The following ASTN2 variants were observed in gnomAD, a reference collection of about 807,000 sequenced individuals.
ASTN2 encodes astrotactin 2, also known as astrotactin-2.
ASTN2 carries 54 observed loss-of-function variants against 139.8 expected under a neutral mutation model. The ratio of observed to expected loss-of-function variants is 0.39; its 90% CI spans 0.31 to 0.48. ASTN2 has a LOEUF of 0.48. Among genes scored for constraint, ASTN2 ranks in the 20% least tolerant of loss-of-function variants. The pLI is 0.95. For synonymous variants in ASTN2, 756 were observed against 719.5 expected (o/e 1.05, Z -0.81); for missense variants, 1,565 against 1,725.1 (o/e 0.91, Z 1.64).
At chr9:116,993,354 G>A (rs1836912991) in intron 7 of ASTN2, among the ~76,000 whole-genome samples, 2 of 151,922 alleles carry the variant, frequency 1.3e-5, no homozygotes, top group African/African-American at 4.8e-5. Context: ...ATATCCACAA[G>A]GCATGCTTTG....
At chr9:116,923,798 G>T (rs1400576494) in intron 10 of ASTN2, among the ~76,000 whole-genome samples, 6 of 152,174 alleles carry the variant, frequency 3.9e-5, no homozygotes, top group Admixed American at 6.5e-5. Context: ...CCCATGCAAG[G>T]GTTCTCTCTG....
rs55954354 is a variant in ASTN2, at chr9:116,815,804, C to CAAAAAA, written c.2207+4807_2207+4812dup. ...TGGGCAACAGAGCGAGACTCCGTCTCAAAAAAAAAAAAAAAAAAAAAAAAG... is the reference window on the plus strand; with the variant it reads ...TGGGCAACAGAGCGAGACTCCGTCTCAAAAAAAAAAAAAAAAAAAAAAAAAAAAAAG... On this transcript the variant is annotated intron_variant, in intron 12 of 22. Coordinates refer to ENST00000313400, the MANE Select transcript of ASTN2 (RefSeq NM_001365068.1). 5.4e-3 allele frequency among the ~76,000 whole-genome samples: 131 copies of CAAAAAA among 24,074 alleles called. 27 individuals carry two copies. The highest frequency in any genetic ancestry group is 0.02 in the African/African-American group (111 of 5,474). 15.8% of individuals were successfully genotyped at this position (24,074 alleles called of 152,430 possible). A position where few individuals can be genotyped will look rare whatever the true frequency, so the allele number is the denominator to read the frequency against.
chr9:116,861,214 TACACACACACACACACACAC>T lies in ASTN2; in HGVS notation c.2040+2349_2040+2368del, dbSNP rs60909208. On this transcript the variant is annotated intron_variant, in intron 11 of 22. Coordinates refer to ENST00000313400, the MANE Select transcript of ASTN2 (RefSeq NM_001365068.1). ...AAGACAAAGAGAGACAAGCCCAAGC[TACACACACACACACACACAC>T]ACACACACACACACACACACACACA... 6.6e-4 allele frequency among the ~76,000 whole-genome samples: 95 copies of T among 143,770 alleles called. 2 individuals are homozygous for T. In the East Asian group the frequency reaches 0.015, roughly 23 times the overall value. The allele number at this position is 143,770 out of a possible 152,430, so 94.3% of individuals were successfully genotyped here. A position where few individuals can be genotyped will look rare whatever the true frequency, so the allele number is the denominator to read the frequency against.
chr9:116,480,544 T>C (rs533799359), intron 20 of ASTN2, among the ~76,000 whole-genome samples: 78 of 152,326 alleles, frequency 5.1e-4, no homozygotes, highest in Non-Finnish European at 7.2e-4. Context: ...AATGTCCTTC[T>C]AGTGAGAAAA....
intron 10 of ASTN2, among the ~76,000 whole-genome samples, chr9:116,928,427 C>G (rs1156419960): frequency 2.0e-5 from 3 of 152,136 alleles, no homozygotes; most frequent in Non-Finnish European, 1.5e-5. Context: ...AATGGGCAGT[C>G]ATACACCCCT....
At chr9:117,200,662 A>C (rs1467966729) in intron 3 of ASTN2, among the ~76,000 whole-genome samples, 2 of 152,118 alleles carry the variant, frequency 1.3e-5, no homozygotes, top group South Asian at 4.1e-4. Context: ...AATAGATTAC[A>C]TTTATTAATT....
chr9:117,248,859 T>C (rs1240670655), intron 2 of ASTN2, among the ~76,000 whole-genome samples: 4 of 152,164 alleles, frequency 2.6e-5, no homozygotes, highest in Admixed American at 1.3e-4. Context: ...ACACCCAGTG[T>C]TGTGTTTCTC....
At chr9:116,703,082 T>C (rs1827887955) in intron 16 of ASTN2, among the ~76,000 whole-genome samples, 1 of 151,714 alleles carries the variant, frequency 6.6e-6, no homozygotes, top group Non-Finnish European at 1.5e-5. Flanking sequence ...TGAACTAGTT[T>C]ACAGTCCCAC....
chr9:116,863,749 G>GA lies in ASTN2; in HGVS notation c.1890-17dup. On this transcript the variant is annotated splice_polypyrimidine_tract_variant and intron_variant, in intron 10 of 22. Transcript: ENST00000313400. ...CGCTTCTTCCCTTGGAGAGAAAGGG[G>GA]ATGGTTAAACCCCAGAGACATTTGG... 1 of 1,604,806 alleles carries GA rather than the reference G, an allele frequency of 6.2e-7. No homozygotes were observed. The highest frequency in any genetic ancestry group is 1.1e-5 in the South Asian group (1 of 89,840).
chr9:116,981,335 T>C (rs542162926), intron 7 of ASTN2, among the ~76,000 whole-genome samples: 25 of 152,334 alleles, frequency 1.6e-4, no homozygotes, highest in African/African-American at 6.0e-4. Flanking sequence ...CTGAGTTCAT[T>C]TAGAATAATG....
intron 2 of ASTN2, among the ~76,000 whole-genome samples, chr9:117,244,095 C>T (rs1007078368): frequency 3.3e-5 from 5 of 152,156 alleles, no homozygotes; most frequent in Non-Finnish European, 7.3e-5. Context: ...TCCTCCTTCA[C>T]ACACTCATGC....
intron 10 of ASTN2, among the ~76,000 whole-genome samples, chr9:116,915,570 G>C (rs1834420584): frequency 6.6e-6 from 1 of 152,128 alleles, no homozygotes. Flanking sequence ...CATTATCTGG[G>C]AAGAGAAGAG....
At chr9:117,190,565 C>T (rs1490769808) in intron 3 of ASTN2, among the ~76,000 whole-genome samples, 2 of 152,062 alleles carry the variant, frequency 1.3e-5, no homozygotes, top group African/African-American at 4.8e-5. Context: ...ACTTTCTTAC[C>T]ACTGCTCCTA....
At chr9:117,297,155 C>T (rs139834145) in intron 1 of ASTN2, among the ~76,000 whole-genome samples, 3,506 of 152,316 alleles carry the variant, frequency 0.023, 61 homozygotes, top group Middle Eastern at 0.037. Flanking sequence ...AACCGGCCTT[C>T]TGATTCTACA....
intron 11 of ASTN2, among the ~76,000 whole-genome samples, chr9:116,828,854 A>G (rs1300930218): frequency 6.6e-6 from 1 of 152,212 alleles, no homozygotes; most frequent in Non-Finnish European, 1.5e-5. Flanking sequence ...TGCAGAAATC[A>G]GTAGCATTTC....
intron 20 of ASTN2, among the ~76,000 whole-genome samples, chr9:116,443,890 T>C (rs1847910068): frequency 5.9e-5 from 9 of 152,276 alleles, no homozygotes. Flanking sequence ...AATTATCCCA[T>C]GTTATAAAAT....
chr9:116,934,705 C>A (rs140731407), intron 10 of ASTN2, among the ~76,000 whole-genome samples: 17 of 152,256 alleles, frequency 1.1e-4, no homozygotes, highest in Admixed American at 9.1e-4. Flanking sequence ...TGTACAACAA[C>A]CCTCCATGAC....
At chr9:117,276,052 T>C (rs894047833) in intron 2 of ASTN2, among the ~76,000 whole-genome samples, 3 of 152,204 alleles carry the variant, frequency 2.0e-5, no homozygotes, top group Non-Finnish European at 4.4e-5. Flanking sequence ...CAGGAGATTT[T>C]AATGAAATTT....
Position 116,424,950 on chromosome 9 carries a change from G to T in ASTN2, c.*901C>A. ...ATTTCTACTCATCCTTTGGGTTTAG[G>T]TATCACTTTTTCAAGGAAGCATTTC... On this transcript the variant is annotated 3_prime_UTR_variant, in exon 23 of 23. Coordinates refer to ENST00000313400, the MANE Select transcript of ASTN2 (RefSeq NM_001365068.1). Among the ~76,000 whole-genome samples, 1 of 152,000 alleles carries T rather than the reference G, an allele frequency of 6.6e-6. No homozygotes were observed.
Sources: allele counts gnomAD v4.1 joint callset (sites outside exome capture counted in the v4.1 genomes callset), GRCh38; gene constraint gnomAD v4.1.1; transcripts MANE v1.5; gene names NCBI Gene and HGNC (gene_info 2026-07-23, HGNC 2026-07-21).